PTPRM: variants seen among roughly 807,000 people sequenced by gnomAD.
The protein encoded by PTPRM is receptor-type tyrosine-protein phosphatase mu.
In PTPRM, 47 loss-of-function variants were observed where a neutral mutation model predicts 186.7. That is an observed-to-expected ratio of 0.25 (90% confidence interval 0.20 to 0.32). PTPRM has a LOEUF of 0.32. Among genes scored for constraint, PTPRM ranks in the 10% least tolerant of loss-of-function variants. The pLI is 1.00. For synonymous variants in PTPRM, 668 were observed against 674.9 expected (o/e 0.99, Z 0.16); for missense variants, 1,494 against 1,865.0 (o/e 0.80, Z 3.66).
intron 13 of PTPRM, among the ~76,000 whole-genome samples, 166 bp from the exon 14 acceptor site, chr18:8,143,481 G>T (rs932309074): frequency 6.6e-6 from 1 of 152,128 alleles, no homozygotes. Context: ...GAACAATTAC[G>T]CTGCTTTCAG....
At chr18:7,957,627 G>C (rs79861960) in intron 7 of PTPRM, among the ~76,000 whole-genome samples, 1 of 152,302 alleles carries the variant, frequency 6.6e-6, no homozygotes, top group Admixed American at 6.5e-5. Context: ...AGAGGGGAAG[G>C]CATGTTAGGT....
chr18:8,055,658 G>A (rs1035494511), intron 7 of PTPRM, among the ~76,000 whole-genome samples: 1 of 152,064 alleles, frequency 6.6e-6, no homozygotes, highest in Non-Finnish European at 1.5e-5. Flanking sequence ...CTCTGTCAGG[G>A]CATCTTGTTT....
intron 7 of PTPRM, among the ~76,000 whole-genome samples, chr18:8,044,486 G>T (rs140432986): frequency 2.0e-5 from 3 of 152,108 alleles, no homozygotes; most frequent in African/African-American, 7.2e-5. Flanking sequence ...CGGGCACAAT[G>T]ATAAACATGT....
At chr18:7,772,244 T>TCTTTC (rs2042300762) in intron 1 of PTPRM, among the ~76,000 whole-genome samples, 1 of 140,054 alleles carries the variant, frequency 7.1e-6, no homozygotes, top group Non-Finnish European at 1.5e-5. Context: ...GCTAAGATCT[T>TCTTTC]TTTTCTTTTC....
At chr18:7,957,033 G>A (rs926927148) in intron 7 of PTPRM, among the ~76,000 whole-genome samples, 7 of 152,156 alleles carry the variant, frequency 4.6e-5, no homozygotes, top group Admixed American at 2.0e-4. Context: ...AAGAATTCCT[G>A]TTTTGGGCAT....
intron 32 of PTPRM, among the ~76,000 whole-genome samples, chr18:8,395,597 T>A (rs2095841716): frequency 6.6e-6 from 1 of 152,186 alleles, no homozygotes; most frequent in Admixed American, 6.5e-5. Context: ...TCGTGCCTGA[T>A]GAGCTGCTCC....
At chr18:7,662,543 G>A (rs1244784834) in intron 1 of PTPRM, among the ~76,000 whole-genome samples, 2 of 152,052 alleles carry the variant, frequency 1.3e-5, no homozygotes, top group Non-Finnish European at 2.9e-5. Context: ...TAGAGAGTAG[G>A]ACGATGGTTA....
chr18:7,959,211 T>C (rs2053511328), intron 7 of PTPRM, among the ~76,000 whole-genome samples: 1 of 152,234 alleles, frequency 6.6e-6, no homozygotes, highest in African/African-American at 2.4e-5. Context: ...TAAATTTTTG[T>C]CTTTTAATAT....
At chr18:7,877,015 T>A (rs961243220) in intron 2 of PTPRM, among the ~76,000 whole-genome samples, 5 of 152,104 alleles carry the variant, frequency 3.3e-5, no homozygotes, top group Non-Finnish European at 5.9e-5. Context: ...TTTGGAAGAG[T>A]GCTCAGCACG....
intron 2 of PTPRM, among the ~76,000 whole-genome samples, chr18:7,786,361 T>C (rs900641434): frequency 1.3e-4 from 20 of 152,196 alleles, no homozygotes; most frequent in African/African-American, 4.6e-4. Flanking sequence ...TCACTGGAAA[T>C]TTGTTTTTCA....
intron 14 of PTPRM, among the ~76,000 whole-genome samples, chr18:8,171,379 A>G (rs1356989306): frequency 6.6e-6 from 1 of 152,166 alleles, no homozygotes; most frequent in Non-Finnish European, 1.5e-5. Flanking sequence ...CAATAGATTG[A>G]ACTGTTAGTT....
intron 2 of PTPRM, chr18:7,814,189 G>C (rs1213979270): frequency 6.6e-6 from 1 of 152,318 alleles, no homozygotes; most frequent in Non-Finnish European, 1.5e-5. Context: ...GGTGCTGAGA[G>C]GGGTGTTTGC....
At chr18:7,765,784 C>T (rs1220101670) in intron 1 of PTPRM, among the ~76,000 whole-genome samples, 1 of 152,104 alleles carries the variant, frequency 6.6e-6, no homozygotes, top group Non-Finnish European at 1.5e-5. Flanking sequence ...ATACTTTATG[C>T]ATTTGATGAA....
intron 2 of PTPRM, among the ~76,000 whole-genome samples, chr18:7,813,229 G>T (rs1238410401): frequency 6.6e-6 from 1 of 152,196 alleles, no homozygotes; most frequent in Non-Finnish European, 1.5e-5. Context: ...GAATGTAAGG[G>T]TACAGTAGAT....
intron 2 of PTPRM, among the ~76,000 whole-genome samples, chr18:7,828,470 G>A (rs1397814023): frequency 1.3e-5 from 2 of 151,264 alleles, no homozygotes; most frequent in Non-Finnish European, 2.9e-5. Flanking sequence ...GCCAAAAAAC[G>A]TTTGTCAGAG....
chr18:7,946,407 T>TA (rs1469078464), intron 5 of PTPRM, among the ~76,000 whole-genome samples: 2 of 152,230 alleles, frequency 1.3e-5, no homozygotes, highest in African/African-American at 4.8e-5. Context: ...AACAAATACT[T>TA]ACAGATATGC....
At chr18:7,747,902 A>G (rs1038766499) in intron 1 of PTPRM, among the ~76,000 whole-genome samples, 11 of 152,212 alleles carry the variant, frequency 7.2e-5, no homozygotes, top group African/African-American at 2.4e-4. Flanking sequence ...GACCATTTTT[A>G]TATAAGGAAT....
intron 7 of PTPRM, among the ~76,000 whole-genome samples, chr18:7,993,196 AT>A (rs1161402621): frequency 1.3e-5 from 2 of 152,082 alleles, no homozygotes; most frequent in African/African-American, 2.4e-5. Context: ...AATGAAAAAA[AT>A]AATTTTAAAA....
chr18:8,126,538 T>G (rs1417387674), intron 13 of PTPRM, among the ~76,000 whole-genome samples: 1 of 152,168 alleles, frequency 6.6e-6, no homozygotes, highest in Non-Finnish European at 1.5e-5. Context: ...CAACATTATC[T>G]GTTTTCCTCC....
Sources: allele counts gnomAD v4.1 joint callset (sites outside exome capture counted in the v4.1 genomes callset), GRCh38; gene constraint gnomAD v4.1.1; transcripts MANE v1.5; gene names NCBI Gene and HGNC (gene_info 2026-07-23, HGNC 2026-07-21).